The following MTUS2 variants were observed in gnomAD, a reference collection of about 807,000 sequenced individuals.
The protein encoded by MTUS2 is microtubule-associated tumor suppressor candidate 2.
Under a neutral mutation model 114.1 loss-of-function variants are expected in MTUS2, and 40 were observed. The observed-to-expected ratio is 0.35, with a 90% CI of 0.27 to 0.46. The LOEUF (loss-of-function observed/expected upper bound fraction) is 0.46. Ranked by LOEUF, MTUS2 falls within the 20% of genes least tolerant of loss-of-function variation. The probability of loss-of-function intolerance (pLI) is 1.00; values close to 1 mark genes in which losing one functional copy is unlikely to be tolerated. For synonymous variants in MTUS2, 688 were observed against 672.0 expected, an observed-to-expected ratio of 1.02 and a Z score of -0.37; for missense variants, 1,679 against 1,705.4, an observed-to-expected ratio of 0.98 and a Z score of 0.27.
chr13:28,846,528 T>TAAATC (rs10622502), intron 2 of MTUS2, among the ~76,000 whole-genome samples: 97,393 of 151,676 alleles, frequency 0.64, 34,532 homozygotes, highest in Non-Finnish European at 0.78. Context: ...TAGGAGAAAT[T>TAAATC]ATCAGGGCAG....
At chr13:29,018,921 A>T (rs1169974723) in intron 2 of MTUS2, among the ~76,000 whole-genome samples, 1 of 152,202 alleles carries the variant, frequency 6.6e-6, no homozygotes, top group Non-Finnish European at 1.5e-5. Context: ...CAAGGAGAGC[A>T]TGTGATACTC....
chr13:29,030,539 C>T (rs1177686081), intron 3 of MTUS2, among the ~76,000 whole-genome samples: 1 of 152,124 alleles, frequency 6.6e-6, no homozygotes, highest in Admixed American at 6.5e-5. Context: ...CCTGCTACAG[C>T]TATGACATGA....
chr13:29,476,557 AC>A (rs1880720172), intron 9 of MTUS2: 1 of 40,670 alleles, frequency 2.5e-5, no homozygotes, highest in Admixed American at 2.0e-4. Flanking sequence ...CACATACCAT[AC>A]AACCCACCCA....
chr13:29,246,337 A>G (rs1896924880), intron 5 of MTUS2, among the ~76,000 whole-genome samples: 1 of 152,204 alleles, frequency 6.6e-6, no homozygotes, highest in Non-Finnish European at 1.5e-5. Flanking sequence ...GACCTAGACC[A>G]TTCGGATCTT....
intron 8 of MTUS2, among the ~76,000 whole-genome samples, chr13:29,410,607 G>A (rs1314493716): frequency 1.3e-5 from 2 of 152,098 alleles, no homozygotes; most frequent in Non-Finnish European, 2.9e-5. Context: ...CATTTTGAAA[G>A]AGTTTTTTAT....
intron 2 of MTUS2, among the ~76,000 whole-genome samples, chr13:29,009,046 T>C (rs777188109): frequency 7.2e-5 from 11 of 152,000 alleles, no homozygotes; most frequent in Non-Finnish European, 1.0e-4. Flanking sequence ...AGTTCTAATT[T>C]CTGAGAGATT....
At chr13:29,006,503 C>T (rs906588667) in intron 2 of MTUS2, among the ~76,000 whole-genome samples, 2 of 152,094 alleles carry the variant, frequency 1.3e-5, no homozygotes, top group Admixed American at 1.3e-4. Context: ...CATTCGAATG[C>T]TGATAAGGAC....
At position 29,440,046 on chromosome 13, in the gene MTUS2, G is replaced by T; in HGVS notation, c.3181G>T (p.Val1061Phe). Residue 1061 changes from valine (V) to phenylalanine (F), a missense_variant, in exon 9 of 16, where the codon GTT becomes TTT. This residue lies in a region of MTUS2 where 822 missense variants were observed against 899.7 expected (regional missense o/e 0.91). Transcript: ENST00000612955. ...SIELANIRDE[V>F]AFHTAKCEKL... Reference sequence around the variant, plus strand: ...CGAACTTGCAAACATCAGGGATGAAGTTGGTAAGTAGGGCATTGACAATGA... The same window carrying T: ...CGAACTTGCAAACATCAGGGATGAATTTGGTAAGTAGGGCATTGACAATGA... 3 of 1,582,020 alleles carry T rather than the reference G, an allele frequency of 1.9e-6. No individual in the cohort carries two copies. The Admixed American group carries it at 5.4e-5, about 29-fold the overall frequency.
intron 2 of MTUS2, among the ~76,000 whole-genome samples, chr13:28,968,068 A>G (rs985709928): frequency 6.6e-6 from 1 of 152,232 alleles, no homozygotes; most frequent in Non-Finnish European, 1.5e-5. Flanking sequence ...TTAGACTGCA[A>G]TACCTTCCAG....
At chr13:29,463,756 C>A (rs550275703) in intron 9 of MTUS2, among the ~76,000 whole-genome samples, 50 of 152,228 alleles carry the variant, frequency 3.3e-4, no homozygotes, top group Middle Eastern at 6.8e-3. Context: ...CCCAGCACTT[C>A]GGGGGGCCGA....
intron 4 of MTUS2, among the ~76,000 whole-genome samples, chr13:29,089,658 C>CT (rs562191756): frequency 1.7e-3 from 256 of 151,954 alleles, no homozygotes; most frequent in African/African-American, 5.8e-3. Context: ...TTTTTAAATT[C>CT]TTTTTTTTGT....
chr13:29,404,667 C>T (rs1025907594), intron 8 of MTUS2, among the ~76,000 whole-genome samples: 4 of 152,174 alleles, frequency 2.6e-5, no homozygotes, highest in East Asian at 1.9e-4. Context: ...TTCACTTCAG[C>T]GTTCCTGAAC....
chr13:29,505,743 C>T lies in MTUS2; in HGVS notation c.*2537C>T, dbSNP rs146876882. On this transcript the variant is annotated 3_prime_UTR_variant, in exon 16 of 16. Transcript: ENST00000612955. The stretch of plus-strand genomic sequence containing the variant: ...TCGTGGCATTTGGGAGATGCGTGGG[C>T]GGCCTGCCCCCCGACCGCCGCCCCT... 2.6e-5 allele frequency: 6 copies of T among 228,662 alleles called. No homozygotes were observed. Among genetic ancestry groups the T allele is most frequent in the Non-Finnish European group, 4.3e-5 (5 of 115,364 alleles). The allele number at this position is 228,662 out of a possible 1,614,324, so 14.2% of individuals were successfully genotyped here. A position where few individuals can be genotyped will look rare whatever the true frequency, so the allele number is the denominator to read the frequency against.
intron 2 of MTUS2, among the ~76,000 whole-genome samples, chr13:28,950,448 T>C (rs1677520240): frequency 6.6e-6 from 1 of 152,238 alleles, no homozygotes; most frequent in African/African-American, 2.4e-5. Flanking sequence ...AGTCTTTTAG[T>C]GTAGTCAGAT....
At chr13:29,323,086 T>C (rs1057292764) in intron 6 of MTUS2, among the ~76,000 whole-genome samples, 1 of 152,160 alleles carries the variant, frequency 6.6e-6, no homozygotes, top group South Asian at 2.1e-4. Flanking sequence ...GCAGACTGAA[T>C]CCAGCAAAAG....
At chr13:29,032,700 T>G (rs1886883422) in intron 3 of MTUS2, among the ~76,000 whole-genome samples, 2 of 152,224 alleles carry the variant, frequency 1.3e-5, no homozygotes, top group Non-Finnish European at 2.9e-5. Context: ...GGACTTTGTA[T>G]CTATTTCAAC....
intron 8 of MTUS2, among the ~76,000 whole-genome samples, chr13:29,406,565 CTT>C (rs1394763332): frequency 2.0e-4 from 30 of 152,106 alleles, no homozygotes; most frequent in Admixed American, 1.3e-3. Flanking sequence ...AGCTACAAGT[CTT>C]TTAATCTAAC....
chr13:29,391,722 A>G (rs1873491554), intron 8 of MTUS2, among the ~76,000 whole-genome samples: 1 of 152,090 alleles, frequency 6.6e-6, no homozygotes, highest in South Asian at 2.1e-4. Flanking sequence ...AAAACTAAAC[A>G]TAAATACACA....
chr13:29,413,173 CATACTT>C (rs1464166391), intron 8 of MTUS2, among the ~76,000 whole-genome samples: 2 of 152,146 alleles, frequency 1.3e-5, no homozygotes, highest in Non-Finnish European at 2.9e-5. Flanking sequence ...TACAACATAA[CATACTT>C]ATAGGTTCTG....
Sources: allele counts gnomAD v4.1 joint callset (sites outside exome capture counted in the v4.1 genomes callset), GRCh38; gene constraint gnomAD v4.1.1; regional missense constraint gnomAD v4.1.1; transcripts MANE v1.5; gene names NCBI Gene and HGNC (gene_info 2026-07-23, HGNC 2026-07-21).